The following LHFPL3 variants were observed in gnomAD, a reference collection of about 807,000 sequenced individuals.
LHFPL3 encodes LHFPL tetraspan subfamily member 3.
A neutral mutation model predicts 19.3 loss-of-function variants in LHFPL3; 5 were observed. That is an observed-to-expected ratio of 0.26 (90% CI 0.14 to 0.54). LHFPL3 has a LOEUF of 0.54. LHFPL3 is among the 20% of genes least tolerant of loss of function. The pLI is 0.94. For synonymous variants in LHFPL3, 133 were observed against 126.2 expected (o/e 1.05, Z -0.36); for missense variants, 249 against 307.4 (o/e 0.81, Z 1.42).
At chr7:104,843,330 C>A (rs1224228158) in intron 2 of LHFPL3, among the ~76,000 whole-genome samples, 1 of 152,212 alleles carries the variant, frequency 6.6e-6, no homozygotes, top group Non-Finnish European at 1.5e-5. Flanking sequence ...ACGCACACTT[C>A]CACCTCCGTG....
chr7:104,381,890 G>A (rs559195931), intron 1 of LHFPL3, among the ~76,000 whole-genome samples: 1 of 152,324 alleles, frequency 6.6e-6, no homozygotes. Context: ...TGGAACGATA[G>A]GAGACACCAA....
At chr7:104,792,423 T>G (rs1790040089) in intron 2 of LHFPL3, among the ~76,000 whole-genome samples, 1 of 152,222 alleles carries the variant, frequency 6.6e-6, no homozygotes, top group Admixed American at 6.5e-5. Context: ...ACAGATGAAT[T>G]AATTATCTCC....
intron 2 of LHFPL3, among the ~76,000 whole-genome samples, chr7:104,852,065 G>A (rs115421895): frequency 0.016 from 2,349 of 151,380 alleles, 75 homozygotes; most frequent in African/African-American, 0.051. Context: ...ATTTTTCTTA[G>A]GCTGCCCACA....
At chr7:104,668,886 G>A in intron 1 of LHFPL3, 5 of 1,612,296 alleles carry the variant, frequency 3.1e-6, no homozygotes, top group Admixed American at 3.3e-5. Context: ...CGGCTACGAA[G>A]GAACAAGAGA....
At chr7:104,481,708 T>A (rs7807077) in intron 1 of LHFPL3, among the ~76,000 whole-genome samples, 155 of 152,322 alleles carry the variant, frequency 1.0e-3, no homozygotes, top group Non-Finnish European at 1.2e-3. Context: ...GATTTCAGGC[T>A]AGATAGTCAA....
rs1467184198 is a variant in LHFPL3, at chr7:104,865,974, C to T, written c.683-40213C>T. Reference sequence around the variant, plus strand: ...CCCAGAATTTCATATCCAGCCAAACCAAGCTTCATAAGTGAAGGAGAAATA... The same window carrying T: ...CCCAGAATTTCATATCCAGCCAAACTAAGCTTCATAAGTGAAGGAGAAATA... On this transcript the variant is annotated intron_variant, in intron 2 of 2. Coordinates refer to ENST00000424859, the MANE Select transcript of LHFPL3 (RefSeq NM_199000.3). Among the ~76,000 whole-genome samples the T allele has an allele frequency of 2.6e-5, 4 of 152,166 alleles. No individual in the cohort carries two copies. In the East Asian group the frequency reaches 7.7e-4, roughly 29 times the overall value.
In LHFPL3 at chr7:104,599,559, T is replaced by C. The variant is rs74823887; in HGVS notation, c.446-137116T>C. Among the ~76,000 whole-genome samples the C allele has an allele frequency of 4.1e-3, 623 of 152,306 alleles. 35 individuals are homozygous for C. The East Asian group carries it at 0.1, about 24-fold the overall frequency. ...GTTTATTCTTTGTCTTCCTCGTTCA[T>C]TGAATTAGCATTTTCTGAGCACCTT... On this transcript the variant is annotated intron_variant, in intron 1 of 2. Transcript: ENST00000424859.
chr7:104,677,394 A>G (rs1168582251), intron 1 of LHFPL3, among the ~76,000 whole-genome samples: 1 of 152,038 alleles, frequency 6.6e-6, no homozygotes, highest in Non-Finnish European at 1.5e-5. Context: ...AAAAAGAAAA[A>G]TGATCCCTAT....
chr7:104,798,032 G>A (rs914087513), intron 2 of LHFPL3, among the ~76,000 whole-genome samples: 3 of 151,994 alleles, frequency 2.0e-5, no homozygotes, highest in African/African-American at 7.3e-5. Context: ...CAGTGGGGGG[G>A]GCGGCACTAT....
In LHFPL3 at chr7:104,753,601, G is replaced by C. The variant is rs1428518782; in HGVS notation, c.682+16690G>C. Among the ~76,000 whole-genome samples, 3 of 151,842 alleles carry C rather than the reference G, an allele frequency of 2.0e-5. No individual in the cohort carries two copies. The East Asian group carries it at 5.8e-4, about 29-fold the overall frequency. On this transcript the variant is annotated intron_variant, in intron 2 of 2. Coordinates refer to ENST00000424859, the MANE Select transcript of LHFPL3 (RefSeq NM_199000.3). Reference sequence around the variant, plus strand: ...ATCAAAATAGGACTTCTGTTCATGAGAGACAGCAAACACAAAGACCAGATG... The same window carrying C: ...ATCAAAATAGGACTTCTGTTCATGACAGACAGCAAACACAAAGACCAGATG...
chr7:104,509,121 A>G (rs1162847893), intron 1 of LHFPL3, among the ~76,000 whole-genome samples: 1 of 152,088 alleles, frequency 6.6e-6, no homozygotes. Flanking sequence ...ACTCCCCTGT[A>G]TAAGAAATTG....
intron 1 of LHFPL3, among the ~76,000 whole-genome samples, chr7:104,696,013 C>T (rs923475716): frequency 6.6e-6 from 1 of 152,132 alleles, no homozygotes; most frequent in Non-Finnish European, 1.5e-5. Flanking sequence ...TGCAGTGGCA[C>T]GATCTTGGCT....
chr7:104,646,708 A>T (rs1047035680), intron 1 of LHFPL3, among the ~76,000 whole-genome samples: 1 of 152,262 alleles, frequency 6.6e-6, no homozygotes, highest in Non-Finnish European at 1.5e-5. Context: ...GAATGTTTAT[A>T]TAACCTAAAT....
Position 104,763,303 on chromosome 7 carries a change from G to A in LHFPL3, c.682+26392G>A, listed in dbSNP as rs773321609. ...TGAGGTGGGAATCCCCAGATATCTCGTTCCAAGAAAACTAGTGGCTCCCTT... is the reference window on the plus strand; with the variant it reads ...TGAGGTGGGAATCCCCAGATATCTCATTCCAAGAAAACTAGTGGCTCCCTT... On this transcript the variant is annotated intron_variant, in intron 2 of 2. Coordinates refer to ENST00000424859, the MANE Select transcript of LHFPL3 (RefSeq NM_199000.3). 4.6e-5 allele frequency among the ~76,000 whole-genome samples: 7 copies of A among 152,284 alleles called. No individual in the cohort carries two copies. The South Asian group carries it at 6.2e-4, about 14-fold the overall frequency.
chr7:104,408,812 G>T (rs1202903445), intron 1 of LHFPL3, among the ~76,000 whole-genome samples: 1 of 151,788 alleles, frequency 6.6e-6, no homozygotes, highest in East Asian at 1.9e-4. Context: ...TTTTGCTAGG[G>T]TACAGGGAGG....
At chr7:104,747,471 G>C (rs890520211) in intron 2 of LHFPL3, among the ~76,000 whole-genome samples, 2 of 152,190 alleles carry the variant, frequency 1.3e-5, no homozygotes, top group South Asian at 4.1e-4. Flanking sequence ...TTCATACACA[G>C]GGTGATGAAA....
intron 1 of LHFPL3, chr7:104,669,639 A>G (rs1483033890): frequency 1.4e-6 from 2 of 1,380,418 alleles, no homozygotes; most frequent in Non-Finnish European, 2.0e-6. Flanking sequence ...AGAGCAAATC[A>G]AAACCTCTAT....
chr7:104,757,594 G>A (rs1207632055), intron 2 of LHFPL3: 1 of 151,814 alleles, frequency 6.6e-6, no homozygotes, highest in Non-Finnish European at 1.5e-5. Context: ...AAAAACATAG[G>A]AAAAAAATAC....
At chr7:104,773,713 C>T (rs150814109) in intron 2 of LHFPL3, among the ~76,000 whole-genome samples, 74 of 152,308 alleles carry the variant, frequency 4.9e-4, no homozygotes, top group African/African-American at 1.7e-3. Context: ...CAGAGACTCC[C>T]ACACAGGGAG....
Sources: gnomAD v4.1 joint callset for allele counts (sites outside exome capture counted in the v4.1 genomes callset) on GRCh38, gnomAD v4.1.1 for gene constraint, MANE v1.5 for transcripts, NCBI Gene and HGNC (gene_info 2026-07-23, HGNC 2026-07-21) for gene names.